The following NTMT1 variants were observed in gnomAD, a reference collection of about 807,000 sequenced individuals.
NTMT1 encodes N-terminal Xaa-Pro-Lys N-methyltransferase 1.
A neutral mutation model predicts 17.5 loss-of-function variants in NTMT1; 8 were observed. That is an observed-to-expected ratio of 0.46 (90% CI 0.27 to 0.82). The LOEUF is 0.82. Among genes scored for constraint, NTMT1 ranks in the 40% least tolerant of loss-of-function variants. NTMT1 has a pLI of 0.15. For missense variants in NTMT1, 221 were observed against 303.5 expected (o/e 0.73, Z 2.02); for synonymous variants, 128 against 126.8 (o/e 1.01, Z -0.06).
At chr9:129,624,273 CAG>C (rs2118908665), upstream of NTMT1, among the ~76,000 whole-genome samples, 1 of 152,324 alleles carries the variant, frequency 6.6e-6, no homozygotes, top group African/African-American at 2.4e-5. Flanking sequence ...CTTCTGTTGA[CAG>C]GAAATAAGAC....
At chr9:129,609,912 G>C (rs768256564) in intron 1 of NTMT1, among the ~76,000 whole-genome samples, 1 of 151,844 alleles carries the variant, frequency 6.6e-6, no homozygotes, top group Non-Finnish European at 1.5e-5. Context: ...TTCACCGGCT[G>C]TTTGTAGGGC....
intron 1 of NTMT1, among the ~76,000 whole-genome samples, chr9:129,609,455 C>T (rs558677225): frequency 1.3e-5 from 2 of 152,256 alleles, no homozygotes; most frequent in Non-Finnish European, 2.9e-5. Flanking sequence ...TGCCTTGATC[C>T]CAGCTGCTCA....
upstream of NTMT1, among the ~76,000 whole-genome samples, chr9:129,621,986 T>G (rs1244368965): frequency 1.3e-5 from 2 of 152,158 alleles, no homozygotes; most frequent in Non-Finnish European, 2.9e-5. Context: ...CCCTCACCCC[T>G]GGGCATCTGA....
In NTMT1 at chr9:129,613,573, T is replaced by C. The variant is rs752343580; in HGVS notation, c.-55+4395T>C. 2 of 1,614,044 alleles carry C rather than the reference T, an allele frequency of 1.2e-6. No homozygotes were observed. The highest frequency in any genetic ancestry group is 2.7e-5 in the African/African-American group (2 of 74,936). ...GGACGCCACTGGCAGGGCGGCCTTC[T>C]GGTTCACAATGACGCTCTGTTGGAC... On this transcript the variant is annotated intron_variant, in intron 1 of 3. Transcript: ENST00000372486. The surrounding 1 kb of genome is among the most constrained non-coding windows in gnomAD (Gnocchi z 6.2).
rs1414170368 is a variant in NTMT1 at position 129,614,083 on chromosome 9, C to G, written c.-55+4905C>G. On this transcript the variant is annotated intron_variant, in intron 1 of 3. Transcript: ENST00000372486. This position sits in a 1 kb window ranked among gnomAD's most constrained non-coding sequence, Gnocchi z 4.4. ...CTGGGCACCCTGCTGCCCGGGACAC[C>G]ATGATAGCTCCTTATGGCCAGTGGC... Among the ~76,000 whole-genome samples the G allele has an allele frequency of 6.6e-6, 1 of 152,186 alleles. No homozygotes were observed. Among genetic ancestry groups the G allele is most frequent in the African/African-American group, 2.4e-5 (1 of 41,452 alleles).
intron 1 of NTMT1, chr9:129,612,277 T>C: frequency 1.5e-6 from 2 of 1,340,258 alleles, no homozygotes; most frequent in Non-Finnish European, 2.1e-6. Flanking sequence ...GTGCCTTTAT[T>C]TGTGGGGCAA....
In NTMT1 at chr9:129,634,131, C is replaced by A. The variant is rs755242698; in HGVS notation, c.240C>A (p.Leu80=). The A allele has an allele frequency of 6.2e-6, 10 of 1,614,020 alleles. 1 individual carries two copies. The South Asian group carries it at 1.1e-4, about 18-fold the overall frequency. Residue 80 remains leucine, a synonymous_variant, in exon 3 of 4, where the codon CTC becomes CTA. Coordinates refer to ENST00000372483, the MANE Select transcript of NTMT1 (RefSeq NM_014064.4). The part of the protein sequence containing the change: ...AGIGRITKRL[L]LPLFREVDMV... ...TTGGGAGGATCACCAAGCGGCTGCT[C>A]CTGCCGCTGTTCAGAGAGGTGGATA... is the stretch of plus-strand genomic sequence containing the variant.
upstream of NTMT1, among the ~76,000 whole-genome samples, chr9:129,622,495 AAATAAT>A (rs915483989): frequency 6.6e-6 from 1 of 151,434 alleles, no homozygotes; most frequent in Non-Finnish European, 1.5e-5. Flanking sequence ...TCCATCTCAA[AAATAAT>A]AATAATAATA....
At chr9:129,627,937 A>G (rs1207335551) in intron 1 of NTMT1, among the ~76,000 whole-genome samples, 3 of 152,208 alleles carry the variant, frequency 2.0e-5, no homozygotes, top group Non-Finnish European at 2.9e-5. Context: ...GGGAGAAGAG[A>G]TGCAGTACCT....
intron 1 of NTMT1, among the ~76,000 whole-genome samples, chr9:129,610,148 C>G (rs1044751893): frequency 1.5e-4 from 22 of 143,496 alleles, no homozygotes; most frequent in African/African-American, 5.7e-4. Context: ...GACAGGAGCG[C>G]TGCGGGATCC....
At chr9:129,632,519 G>T (rs1045914287) in intron 1 of NTMT1, 131 bp from the exon 2 acceptor site, 8 of 624,348 alleles carry the variant, frequency 1.3e-5, no homozygotes, top group South Asian at 2.2e-5. Context: ...GCAGATTTGG[G>T]GACCCTGGAC....
intron 1 of NTMT1, among the ~76,000 whole-genome samples, chr9:129,626,888 C>T (rs1830925894): frequency 6.6e-6 from 1 of 152,212 alleles, no homozygotes; most frequent in Non-Finnish European, 1.5e-5. Flanking sequence ...GTGATCTCTC[C>T]CTCTGGACTT....
upstream of NTMT1, among the ~76,000 whole-genome samples, chr9:129,624,034 T>A (rs1830822221): frequency 6.6e-6 from 1 of 152,094 alleles, no homozygotes; most frequent in Non-Finnish European, 1.5e-5. Context: ...GCCCTTGTGA[T>A]CCACCTGCCT....
chr9:129,627,030 G>A (rs1830934292), intron 1 of NTMT1, among the ~76,000 whole-genome samples: 1 of 152,254 alleles, frequency 6.6e-6, no homozygotes, highest in Non-Finnish European at 1.5e-5. Flanking sequence ...GCCTCTGGGA[G>A]GAACCAGGGC....
chr9:129,610,303 C>G (rs1053957896), intron 1 of NTMT1, among the ~76,000 whole-genome samples: 11 of 148,288 alleles, frequency 7.4e-5, no homozygotes, highest in Non-Finnish European at 1.5e-4. Flanking sequence ...AGGCCCCGCC[C>G]CCCCCCCACC....
intron 1 of NTMT1, among the ~76,000 whole-genome samples, chr9:129,627,872 T>A (rs1830972078): frequency 6.6e-6 from 1 of 152,216 alleles, no homozygotes; most frequent in African/African-American, 2.4e-5. Flanking sequence ...GAGGATGAGA[T>A]GACTGCAAAA....
At chr9:129,632,206 T>C (rs1435254382) in intron 1 of NTMT1, among the ~76,000 whole-genome samples, 4 of 152,176 alleles carry the variant, frequency 2.6e-5, no homozygotes, top group Non-Finnish European at 5.9e-5. Flanking sequence ...CCCAGCACTT[T>C]GGGAGGCCAA....
chr9:129,615,759 G>A (rs1335443840), intron 1 of NTMT1: 4 of 1,187,670 alleles, frequency 3.4e-6, no homozygotes, highest in Non-Finnish European at 3.3e-6. Context: ...CACTGGTCTT[G>A]AAGAATGGAT....
intron 1 of NTMT1, chr9:129,619,383 G>C (rs767677850): frequency 5.8e-6 from 4 of 687,644 alleles, no homozygotes; most frequent in Non-Finnish European, 7.6e-6. Context: ...TCTGATTCAC[G>C]GACAGCCATA....
Sources: allele counts gnomAD v4.1 joint callset (sites outside exome capture counted in the v4.1 genomes callset), GRCh38; gene constraint gnomAD v4.1.1; non-coding constraint Gnocchi (gnomAD v3.1); transcripts MANE v1.5; gene names NCBI Gene and HGNC (gene_info 2026-07-23, HGNC 2026-07-21).